The following ZHX2 variants were observed in gnomAD, a reference collection of about 807,000 sequenced individuals.
ZHX2 encodes zinc fingers and homeoboxes protein 2.
A neutral mutation model predicts 21.9 loss-of-function variants in ZHX2; 6 were observed. The ratio of observed to expected loss-of-function variants is 0.27; its 90% CI spans 0.15 to 0.54. The LOEUF (loss-of-function observed/expected upper bound fraction) is 0.54, where lower values mean the gene tolerates loss of function less well. Among genes scored for constraint, ZHX2 ranks in the 20% least tolerant of loss-of-function variants. The pLI, the probability that ZHX2 is intolerant of heterozygous loss-of-function variation, is 0.95. For missense variants in ZHX2, 908 were observed against 1,090.7 expected, an observed-to-expected ratio of 0.83 and a Z score of 2.36; for synonymous variants, 434 against 437.1, an observed-to-expected ratio of 0.99 and a Z score of 0.09.
intron 2 of ZHX2, among the ~76,000 whole-genome samples, chr8:122,892,539 AGTTTAAG>A (rs1178800269): frequency 2.0e-5 from 3 of 151,802 alleles, no homozygotes; most frequent in African/African-American, 7.3e-5. Flanking sequence ...GTGGTTTTGT[AGTTTAAG>A]GTTTGATTCC....
intron 2 of ZHX2, among the ~76,000 whole-genome samples, chr8:122,879,972 C>CTTTT (rs35351207): frequency 7.9e-6 from 1 of 126,400 alleles, no homozygotes; most frequent in Admixed American, 8.4e-5. Context: ...CTATTGTTAC[C>CTTTT]TTTTTTTTTT....
chr8:122,955,087 A>AGGGGGGGG (rs1813264521), intron 3 of ZHX2, among the ~76,000 whole-genome samples: 1 of 120,924 alleles, frequency 8.3e-6, no homozygotes, highest in Non-Finnish European at 1.7e-5. Flanking sequence ...GGGGGGTGGC[A>AGGGGGGGG]GGGCGGTTTC....
chr8:122,879,726 G>C (rs2129772477), intron 2 of ZHX2, among the ~76,000 whole-genome samples: 1 of 152,026 alleles, frequency 6.6e-6, no homozygotes, highest in Middle Eastern at 3.4e-3. Context: ...TCAGCCCTCG[G>C]GCCACGTTCC....
At chr8:122,852,146 AC>A (rs1818916394) in intron 1 of ZHX2, among the ~76,000 whole-genome samples, 2 of 152,208 alleles carry the variant, frequency 1.3e-5, no homozygotes, top group African/African-American at 4.8e-5. Flanking sequence ...AATGGGGCAT[AC>A]AGGTGCGTGA....
chr8:122,833,191 AG>A (rs2130681470), intron 1 of ZHX2, among the ~76,000 whole-genome samples: 1 of 152,312 alleles, frequency 6.6e-6, no homozygotes, highest in African/African-American at 2.4e-5. Flanking sequence ...AATCGTGAAA[AG>A]TAAAGTATAT....
At chr8:122,811,178 G>A (rs1001427252) in intron 1 of ZHX2, among the ~76,000 whole-genome samples, 1 of 151,986 alleles carries the variant, frequency 6.6e-6, no homozygotes, top group Non-Finnish European at 1.5e-5. Flanking sequence ...TCAGGAGTTC[G>A]AGACCAGCCT....
At chr8:122,949,776 C>T (rs1433352925) in intron 2 of ZHX2, among the ~76,000 whole-genome samples, 9 of 152,098 alleles carry the variant, frequency 5.9e-5, no homozygotes, top group Non-Finnish European at 1.3e-4. Flanking sequence ...GAGGCTGAGG[C>T]AGGAGGATTA....
chr8:122,944,139 T>C lies in ZHX2; in HGVS notation c.-219-7153T>C, dbSNP rs969837927. Among the ~76,000 whole-genome samples, 6 of 152,342 alleles carry C rather than the reference T, an allele frequency of 3.9e-5. No individual in the cohort carries two copies. In the South Asian group the frequency reaches 1.2e-3, roughly 32 times the overall value. ...TACTCCCCCTTTGAAGCCCTGCTTATCCAGGAGAGACTGTGTGGTGGTGTG... is the reference window on the plus strand; with the variant it reads ...TACTCCCCCTTTGAAGCCCTGCTTACCCAGGAGAGACTGTGTGGTGGTGTG... On this transcript the variant is annotated intron_variant, in intron 2 of 3. Coordinates refer to ENST00000314393, the MANE Select transcript of ZHX2 (RefSeq NM_014943.5).
At chr8:122,783,165 A>G (rs1817326973) in intron 1 of ZHX2, among the ~76,000 whole-genome samples, 1 of 152,076 alleles carries the variant, frequency 6.6e-6, no homozygotes, top group Non-Finnish European at 1.5e-5. Flanking sequence ...TAGTCTTCAA[A>G]GCCAGTAGGT....
At chr8:122,881,501 A>G (rs1379071908) in intron 2 of ZHX2, among the ~76,000 whole-genome samples, 1 of 152,206 alleles carries the variant, frequency 6.6e-6, no homozygotes, top group South Asian at 2.1e-4. Flanking sequence ...GTTAATCCAT[A>G]TTGTTGCGCT....
intron 1 of ZHX2, among the ~76,000 whole-genome samples, chr8:122,845,913 G>T (rs1818739832): frequency 6.6e-6 from 1 of 152,210 alleles, no homozygotes; most frequent in African/African-American, 2.4e-5. Context: ...GGGTTCAGTG[G>T]AAAGCCTTCA....
At chr8:122,786,994 A>G (rs1817409011) in intron 1 of ZHX2, among the ~76,000 whole-genome samples, 1 of 141,066 alleles carries the variant, frequency 7.1e-6, no homozygotes. Flanking sequence ...CCCACCCTAC[A>G]TTGAGCAGGT....
chr8:122,876,655 G>A (rs151271532), intron 2 of ZHX2, among the ~76,000 whole-genome samples: 326 of 152,278 alleles, frequency 2.1e-3, no homozygotes, highest in African/African-American at 7.6e-3. Flanking sequence ...CCACGAGGAC[G>A]GGGTAGCGTG....
chr8:122,839,074 G>A (rs1586312733), intron 1 of ZHX2, among the ~76,000 whole-genome samples: 2 of 151,700 alleles, frequency 1.3e-5, no homozygotes, highest in Non-Finnish European at 2.9e-5. Flanking sequence ...AGGGTTTTTC[G>A]TGTATGATTA....
chr8:122,906,791 C>G lies in ZHX2; in HGVS notation c.-220+43252C>G, dbSNP rs191134139. On this transcript the variant is annotated intron_variant, in intron 2 of 3. Transcript: ENST00000314393. Reference sequence around the variant, plus strand: ...GTTTAAGTGATTCTACTGCCTCAGCCTCCTGAGTAGCTGGGATTACAGGCG... The same window carrying G: ...GTTTAAGTGATTCTACTGCCTCAGCGTCCTGAGTAGCTGGGATTACAGGCG... Among the ~76,000 whole-genome samples the G allele has an allele frequency of 2.6e-5, 4 of 151,548 alleles. No individual in the cohort carries two copies. The East Asian group carries it at 7.8e-4, about 30-fold the overall frequency.
chr8:122,966,886 T>C (rs1345129826), intron 3 of ZHX2, among the ~76,000 whole-genome samples: 5 of 152,366 alleles, frequency 3.3e-5, no homozygotes, highest in Admixed American at 1.3e-4. Flanking sequence ...TTGGGTTAAT[T>C]CAAAAGCCTT....
At chr8:122,927,958 A>G (rs1012480145) in intron 2 of ZHX2, among the ~76,000 whole-genome samples, 1 of 151,852 alleles carries the variant, frequency 6.6e-6, no homozygotes, top group Non-Finnish European at 1.5e-5. Context: ...AAGTTGCACC[A>G]CTCTCCATTG....
chr8:122,782,739 C>G lies in ZHX2; in HGVS notation c.-283+793C>G, dbSNP rs1015660786. On this transcript the variant is annotated intron_variant, in intron 1 of 3. Coordinates refer to ENST00000314393, the MANE Select transcript of ZHX2 (RefSeq NM_014943.5). The surrounding 1 kb of genome is among the most constrained non-coding windows in gnomAD (Gnocchi z 5.3). Reference sequence around the variant, plus strand: ...GGGGGAGTCCGCGCGGGGCGGGGGGCCGAGGGCGGCCGCGGGACCCCCGGC... The same window carrying G: ...GGGGGAGTCCGCGCGGGGCGGGGGGGCGAGGGCGGCCGCGGGACCCCCGGC... Among the ~76,000 whole-genome samples, 10 of 152,002 alleles carry G rather than the reference C, an allele frequency of 6.6e-5. No individual in the cohort carries two copies. Among genetic ancestry groups the G allele is most frequent in the Non-Finnish European group, 1.3e-4 (9 of 67,950 alleles).
intron 1 of ZHX2, among the ~76,000 whole-genome samples, chr8:122,809,733 G>A (rs978881740): frequency 6.6e-6 from 1 of 152,152 alleles, no homozygotes; most frequent in South Asian, 2.1e-4. Context: ...GCAGGACCTC[G>A]ACAGAGGCAG....
Sources: gnomAD v4.1 joint callset for allele counts (sites outside exome capture counted in the v4.1 genomes callset) on GRCh38, gnomAD v4.1.1 for gene constraint, Gnocchi (gnomAD v3.1) non-coding constraint, MANE v1.5 for transcripts, NCBI Gene and HGNC (gene_info 2026-07-23, HGNC 2026-07-21) for gene names.